SNRNP48: variants seen among roughly 807,000 people sequenced by gnomAD.
SNRNP48 encodes the protein U11/U12 small nuclear ribonucleoprotein 48 kDa protein.
SNRNP48 carries 43 observed loss-of-function variants against 47.0 expected under a neutral mutation model. That is an observed-to-expected ratio of 0.92 (90% confidence interval 0.72 to 1.18). SNRNP48 has a LOEUF of 1.18. Ranked by LOEUF, SNRNP48 falls within the 50% of genes most tolerant of loss-of-function variation. SNRNP48 has a pLI of 0.00. For synonymous variants in SNRNP48, 138 were observed against 144.0 expected, an observed-to-expected ratio of 0.96 and a Z score of 0.30; for missense variants, 396 against 422.2, an observed-to-expected ratio of 0.94 and a Z score of 0.54.
At chr6:7,599,081 A>G (rs763386620) in intron 4 of SNRNP48, among the ~76,000 whole-genome samples, 14 of 152,184 alleles carry the variant, frequency 9.2e-5, no homozygotes, top group Non-Finnish European at 1.8e-4. Flanking sequence ...GTCTGTTCCT[A>G]TCACTTGTGA....
At chr6:7,606,523 C>T (rs1760131417) in intron 8 of SNRNP48, among the ~76,000 whole-genome samples, 1 of 152,166 alleles carries the variant, frequency 6.6e-6, no homozygotes. Context: ...CTTTCTTCTG[C>T]TCATTCCTTC....
chr6:7,594,208 A>C, intron 3 of SNRNP48, 49 bp downstream of exon 3: 1 of 910,676 alleles, frequency 1.1e-6, no homozygotes, highest in Non-Finnish European at 1.6e-6. Context: ...GTAGATATTG[A>C]TTTTTCATTT....
chr6:7,594,493 A>AT (rs1188217921), intron 3 of SNRNP48, among the ~76,000 whole-genome samples: 1 of 152,200 alleles, frequency 6.6e-6, no homozygotes, highest in East Asian at 1.9e-4. Context: ...TTGACAGCAT[A>AT]TATAGAGGTT....
chr6:7,597,662 G>C (rs1759927261), intron 4 of SNRNP48, among the ~76,000 whole-genome samples: 1 of 152,078 alleles, frequency 6.6e-6, no homozygotes. Flanking sequence ...ATATATATGA[G>C]TAATTTAGAA....
In SNRNP48 at chr6:7,609,919, C is replaced by T. The variant is rs1362554699; in HGVS notation, c.*1046C>T. 6.6e-6 allele frequency: 1 copy of T among 151,948 alleles called. No homozygotes were observed. The highest frequency in any genetic ancestry group is 1.5e-5 in the Non-Finnish European group (1 of 68,012). 9.4% of individuals were successfully genotyped at this position (151,948 alleles called of 1,614,324 possible). On this transcript the variant is annotated 3_prime_UTR_variant, in exon 9 of 9. Transcript: ENST00000342415. The stretch of plus-strand genomic sequence containing the variant: ...CTCATACCCCCTTTCCCAATCAATT[C>T]CTCTACCCCTAGCCCTAGGCAGCCA...
intron 8 of SNRNP48, among the ~76,000 whole-genome samples, chr6:7,606,926 A>T (rs1760139264): frequency 6.6e-6 from 1 of 152,248 alleles, no homozygotes; most frequent in Non-Finnish European, 1.5e-5. Context: ...TCCTAATGAA[A>T]TGATGGTCAT....
chr6:7,607,696 G>A (rs1581841049), intron 8 of SNRNP48, among the ~76,000 whole-genome samples: 3 of 152,066 alleles, frequency 2.0e-5, no homozygotes, highest in East Asian at 1.9e-4. Flanking sequence ...TATTATTATC[G>A]CTGCTAGACT....
intron 4 of SNRNP48, among the ~76,000 whole-genome samples, chr6:7,599,274 G>A (rs1038810881): frequency 3.3e-5 from 5 of 152,154 alleles, no homozygotes; most frequent in Non-Finnish European, 5.9e-5. Flanking sequence ...AAAGTAACAA[G>A]AATGAGAATT....
chr6:7,604,088 G>C lies in SNRNP48; in HGVS notation c.718-1310G>C, dbSNP rs569282804. ...AGCAAGGAGGAATAAAGGAATGTCT[G>C]CTATTGACTCTTGCCTATGTGGTGG... On this transcript the variant is annotated intron_variant, in intron 6 of 8. Transcript: ENST00000342415. Among the ~76,000 whole-genome samples, 36 of 73,766 alleles carry C rather than the reference G, an allele frequency of 4.9e-4. No homozygotes were observed. In the South Asian group the frequency reaches 0.013, roughly 27 times the overall value. 48.4% of individuals were successfully genotyped at this position (73,766 alleles called of 152,430 possible). A position where few individuals can be genotyped will look rare whatever the true frequency, so the allele number is the denominator to read the frequency against.
chr6:7,594,058 A>G, intron 2 of SNRNP48, 41 bp from the exon 3 acceptor site: 1 of 1,200,068 alleles, frequency 8.3e-7, no homozygotes, highest in Admixed American at 2.9e-5. Context: ...AAAATAGTCA[A>G]TTATCTGATA....
chr6:7,592,203 A>G (rs2113712799), intron 1 of SNRNP48, among the ~76,000 whole-genome samples: 1 of 152,266 alleles, frequency 6.6e-6, no homozygotes, highest in South Asian at 2.1e-4. Flanking sequence ...GGTGCGGGGA[A>G]GAAGCATCAA....
intron 5 of SNRNP48, among the ~76,000 whole-genome samples, chr6:7,602,054 ACG>A (rs1342816897): frequency 1.3e-4 from 20 of 152,120 alleles, no homozygotes; most frequent in Admixed American, 4.6e-4. Context: ...GGGTTTTGCT[ACG>A]CTGGCCAGGC....
At chr6:7,597,013 GTGTT>G (rs1759915433) in intron 4 of SNRNP48, among the ~76,000 whole-genome samples, 1 of 152,196 alleles carries the variant, frequency 6.6e-6, no homozygotes, top group Non-Finnish European at 1.5e-5. Flanking sequence ...AAGTTCTAGT[GTGTT>G]TGTTCTAAAG....
At position 7,593,819 on chromosome 6, in the gene SNRNP48, G is replaced by A; in HGVS notation, c.242G>A (p.Arg81Lys). 2 of 1,595,368 alleles carry A rather than the reference G, an allele frequency of 1.3e-6. No individual in the cohort carries two copies. The highest frequency in any genetic ancestry group is 4.5e-5 in the East Asian group (2 of 44,350). Residue 81 changes from arginine (R) to lysine (K), a missense_variant, in exon 2 of 9, where the codon AGG (arginine) becomes AAG (lysine). Coordinates refer to ENST00000342415, the MANE Select transcript of SNRNP48 (RefSeq NM_152551.4). ...LAKHMASCRL[R>K]KMGYTKEEED... ...AAGCACATGGCATCTTGTAGATTGA[G>A]GAAAATGGGCTATACCAAAGAAGAA...
At chr6:7,598,645 C>T (rs1759953642) in intron 4 of SNRNP48, among the ~76,000 whole-genome samples, 1 of 152,042 alleles carries the variant, frequency 6.6e-6, no homozygotes, top group Non-Finnish European at 1.5e-5. Context: ...GATGTATTTA[C>T]TTTTAAGGGA....
chr6:7,590,383 T>A lies in SNRNP48; in HGVS notation c.126T>A (p.Ser42Arg). The A allele has an allele frequency of 7.4e-7, 1 of 1,347,778 alleles. No individual in the cohort carries two copies. Among genetic ancestry groups the A allele is most frequent in the South Asian group, 2.1e-5 (1 of 48,404 alleles). 83.5% of individuals were successfully genotyped at this position (1,347,778 alleles called of 1,614,324 possible). Reference sequence around the variant, plus strand: ...CGTCCCTGGGCTGGGACCTAGATAGTCTGGATCCCGGGGAAGAGGAGGCGG... The same window carrying A: ...CGTCCCTGGGCTGGGACCTAGATAGACTGGATCCCGGGGAAGAGGAGGCGG... ...VTASLGWDLD[S>R]LDPGEEEAAE... Residue 42 changes from serine (S) to arginine (R), a missense_variant, in exon 1 of 9, where the codon AGT (serine) becomes AGA (arginine). Physicochemically the swap from Ser to Arg is moderately radical, Grantham distance 110. Transcript: ENST00000342415.
At position 7,602,624 on chromosome 6, in the gene SNRNP48, C is replaced by T. The variant is rs9502622; in HGVS notation, c.597C>T (p.Asp199=). ...ACTTTTATTTTATTCTTTCATTAGACAATAGTCGAAAAAGTCCAAAATCCT... is the reference window on the plus strand; with the variant it reads ...ACTTTTATTTTATTCTTTCATTAGATAATAGTCGAAAAAGTCCAAAATCCT... The part of the protein sequence containing the change: ...FVDLAAKINQ[D]NSRKSPKSYL... Residue 199 remains aspartate (D), a splice_region_variant and synonymous_variant, in exon 6 of 9, where the codon GAC becomes GAT. Coordinates refer to ENST00000342415, the MANE Select transcript of SNRNP48 (RefSeq NM_152551.4). 0.1 allele frequency: 161,614 copies of T among 1,574,924 alleles called. 10,779 individuals are homozygous for T. Among genetic ancestry groups the T allele is most frequent in the African/African-American group, 0.31 (22,447 of 72,446 alleles).
intron 4 of SNRNP48, chr6:7,599,894 A>C: frequency 3.0e-6 from 3 of 1,008,242 alleles, no homozygotes; most frequent in Non-Finnish European, 3.7e-6. Flanking sequence ...AATAAATTGA[A>C]GAAAAGGCTA....
intron 4 of SNRNP48, 79 bp from the exon 5 acceptor site, chr6:7,601,257 T>G (rs1217510827): frequency 4.3e-5 from 50 of 1,159,902 alleles, no homozygotes; most frequent in Non-Finnish European, 5.5e-5. Flanking sequence ...TTAAAGCACA[T>G]GTTTAAAGAT....
Sources: gnomAD v4.1 joint callset for allele counts (sites outside exome capture counted in the v4.1 genomes callset) on GRCh38, gnomAD v4.1.1 for gene constraint, MANE v1.5 for transcripts, NCBI Gene and HGNC (gene_info 2026-07-23, HGNC 2026-07-21) for gene names.